Variants in CDH18 observed in about 807,000 individuals in gnomAD.
CDH18 encodes cadherin-18.
Under a neutral mutation model 67.9 loss-of-function variants are expected in CDH18, and 31 were observed. That is an observed-to-expected ratio of 0.46 (90% confidence interval 0.34 to 0.62). The LOEUF (loss-of-function observed/expected upper bound fraction) is 0.62, where lower values mean the gene tolerates loss of function less well. Among genes scored for constraint, CDH18 ranks in the 20% least tolerant of loss-of-function variants. CDH18 has a pLI of 0.01. For synonymous variants in CDH18, 362 were observed against 347.2 expected (o/e 1.04, Z -0.48); for missense variants, 890 against 975.5 (o/e 0.91, Z 1.17).
intron 2 of CDH18, among the ~76,000 whole-genome samples, chr5:19,912,507 T>G (rs987648083): frequency 6.6e-6 from 1 of 152,170 alleles, no homozygotes; most frequent in East Asian, 1.9e-4. Flanking sequence ...TGAACAAAAC[T>G]TAGTTGAGTG....
Position 20,556,729 on chromosome 5 carries a change from A to C in CDH18, c.-580+18733T>G, listed in dbSNP as rs79449417. ...CCAGCCCTTTGGTGACTATTTTTTTAGCTTAAAATTAAGAAGGTGTTAAGT... is the reference window on the plus strand; with the variant it reads ...CCAGCCCTTTGGTGACTATTTTTTTCGCTTAAAATTAAGAAGGTGTTAAGT... On this transcript the variant is annotated intron_variant, in intron 1 of 14. Coordinates refer to the CDH18 transcript ENST00000507958. 4.5e-3 allele frequency among the ~76,000 whole-genome samples: 678 copies of C among 152,258 alleles called. 13 individuals carry two copies. The highest frequency in any genetic ancestry group is 0.037 in the East Asian group (194 of 5,176).
At chr5:20,489,998 C>T (rs939004238) in intron 1 of CDH18, among the ~76,000 whole-genome samples, 4 of 151,256 alleles carry the variant, frequency 2.6e-5, no homozygotes, top group Non-Finnish European at 4.4e-5. Flanking sequence ...TATGCTCCAT[C>T]TTATCTGATA....
At chr5:19,690,397 A>T (rs1761704326) in intron 5 of CDH18, among the ~76,000 whole-genome samples, 1 of 151,798 alleles carries the variant, frequency 6.6e-6, no homozygotes, top group African/African-American at 2.4e-5. Context: ...GAAACTAGAA[A>T]ATCAAGAACT....
chr5:19,564,095 C>A (rs925868227), intron 8 of CDH18, among the ~76,000 whole-genome samples: 1 of 152,208 alleles, frequency 6.6e-6, no homozygotes, highest in Non-Finnish European at 1.5e-5. Flanking sequence ...GCTAGCCCCA[C>A]CACTGTGGGC....
intron 1 of CDH18, among the ~76,000 whole-genome samples, chr5:20,415,083 T>C (rs1173807734): frequency 6.6e-6 from 1 of 152,136 alleles, no homozygotes; most frequent in Non-Finnish European, 1.5e-5. Context: ...ACAACCTAAA[T>C]GCCCATAAAC....
At chr5:19,909,764 A>C (rs2150134867) in intron 2 of CDH18, among the ~76,000 whole-genome samples, 1 of 152,228 alleles carries the variant, frequency 6.6e-6, no homozygotes, top group African/African-American at 2.4e-5. Flanking sequence ...CATTTCCTTC[A>C]GGTTTGCAGG....
chr5:19,481,276 G>C (rs2934210), intron 12 of CDH18, among the ~76,000 whole-genome samples: 13,119 of 152,112 alleles, frequency 0.086, 633 homozygotes, highest in African/African-American at 0.11. Context: ...GTGTCCTCTA[G>C]CTCAGGGTAG....
chr5:20,388,379 T>C (rs1354929924), intron 1 of CDH18, among the ~76,000 whole-genome samples: 2 of 152,194 alleles, frequency 1.3e-5, no homozygotes, highest in Non-Finnish European at 2.9e-5. Context: ...TATTTTCTGA[T>C]GGTAGTTTGT....
chr5:20,529,278 A>C (rs1008807781), intron 1 of CDH18, among the ~76,000 whole-genome samples: 14 of 151,918 alleles, frequency 9.2e-5, no homozygotes, highest in Non-Finnish European at 5.9e-5. Context: ...GAAAAAAAAA[A>C]AGCCCAGAAC....
At chr5:19,759,840 G>A (rs1005534105) in intron 3 of CDH18, among the ~76,000 whole-genome samples, 1 of 152,088 alleles carries the variant, frequency 6.6e-6, no homozygotes, top group African/African-American at 2.4e-5. Flanking sequence ...AGGGGACCTC[G>A]CCTCTCCTTC....
chr5:19,805,528 G>A (rs919870875), intron 3 of CDH18, among the ~76,000 whole-genome samples: 3 of 152,004 alleles, frequency 2.0e-5, no homozygotes, highest in Non-Finnish European at 2.9e-5. Context: ...GTCTCCTGAT[G>A]CTACTCTTTA....
At chr5:19,820,299 A>T (rs1209281253) in intron 3 of CDH18, among the ~76,000 whole-genome samples, 1 of 152,124 alleles carries the variant, frequency 6.6e-6, no homozygotes, top group African/African-American at 2.4e-5. Context: ...CGGGCACAGA[A>T]GGTTTGGCAC....
intron 2 of CDH18, among the ~76,000 whole-genome samples, chr5:20,210,206 A>T (rs889951276): frequency 6.6e-6 from 1 of 151,836 alleles, no homozygotes; most frequent in African/African-American, 2.4e-5. Flanking sequence ...TCTTTCTGAC[A>T]AGTAACTGAG....
intron 1 of CDH18, among the ~76,000 whole-genome samples, chr5:20,335,087 C>T (rs577868511): frequency 2.9e-4 from 44 of 152,244 alleles, no homozygotes; most frequent in Non-Finnish European, 5.4e-4. Context: ...CCTCCCATAA[C>T]GTGTCATCAC....
At chr5:20,221,615 A>C (rs1276936157) in intron 2 of CDH18, among the ~76,000 whole-genome samples, 1 of 152,038 alleles carries the variant, frequency 6.6e-6, no homozygotes, top group African/African-American at 2.4e-5. Flanking sequence ...CTAAAAGAGA[A>C]TATTTGGATT....
At position 20,304,315 on chromosome 5, in the gene CDH18, A is replaced by G. The variant is rs111913224; in HGVS notation, c.-579-48810T>C. On this transcript the variant is annotated intron_variant, in intron 1 of 14. Transcript: ENST00000507958. Reference sequence around the variant, plus strand: ...TTGCTGTAGGTTTTAAATGCAGAGTACCTATGACTTTCTCTTTAAATTCAT... The same window carrying G: ...TTGCTGTAGGTTTTAAATGCAGAGTGCCTATGACTTTCTCTTTAAATTCAT... The G allele has an allele frequency of 8.7e-3, 13,872 of 1,593,946 alleles. 281 individuals carry two copies. The highest frequency in any genetic ancestry group is 0.069 in the East Asian group (3,077 of 44,792).
chr5:19,968,773 A>T (rs1370187863), intron 2 of CDH18, among the ~76,000 whole-genome samples: 1 of 144,568 alleles, frequency 6.9e-6, no homozygotes, highest in Admixed American at 6.7e-5. Flanking sequence ...CATTCAGGAC[A>T]TAGGCATGGG....
At chr5:20,106,768 T>C (rs915644333) in intron 2 of CDH18, among the ~76,000 whole-genome samples, 38 of 152,300 alleles carry the variant, frequency 2.5e-4, no homozygotes, top group African/African-American at 8.7e-4. Flanking sequence ...ATATGGGAAC[T>C]GTGAAAACAT....
intron 6 of CDH18, among the ~76,000 whole-genome samples, chr5:19,606,548 G>A (rs1748076288): frequency 6.6e-6 from 1 of 151,926 alleles, no homozygotes; most frequent in Non-Finnish European, 1.5e-5. Flanking sequence ...ATATTTAATA[G>A]ATGGGTTTAA....
Sources: gnomAD v4.1 joint callset for allele counts (sites outside exome capture counted in the v4.1 genomes callset) on GRCh38, gnomAD v4.1.1 for gene constraint, MANE v1.5 for transcripts, NCBI Gene and HGNC (gene_info 2026-07-23, HGNC 2026-07-21) for gene names.